MARCHF1: variants seen among roughly 807,000 people sequenced by gnomAD.
The protein encoded by MARCHF1 is E3 ubiquitin-protein ligase MARCHF1.
MARCHF1 carries 40 observed loss-of-function variants against 54.2 expected under a neutral mutation model. That is an observed-to-expected ratio of 0.74 (90% CI 0.57 to 0.96). The LOEUF is 0.96. Among genes scored for constraint, MARCHF1 ranks in the 40% least tolerant of loss-of-function variants. MARCHF1 has a pLI of 0.00. For synonymous variants in MARCHF1, 236 were observed against 236.3 expected (o/e 1.00, Z 0.01); for missense variants, 586 against 656.5 (o/e 0.89, Z 1.17).
intron 4 of MARCHF1, among the ~76,000 whole-genome samples, chr4:163,825,301 C>T (rs1455268286): frequency 2.0e-5 from 3 of 151,974 alleles, no homozygotes; most frequent in African/African-American, 7.2e-5. Flanking sequence ...GCATAGTATT[C>T]CATGGTGTAT....
At chr4:163,700,899 G>A (rs1744792595) in intron 4 of MARCHF1, 36 bp from the exon 5 acceptor site, 2 of 1,452,510 alleles carry the variant, frequency 1.4e-6, no homozygotes, top group African/African-American at 1.4e-5. Flanking sequence ...ATTAAAAGAA[G>A]GTATGGTACT....
In MARCHF1 at chr4:163,802,555, G is replaced by GT. The variant is rs752950347; in HGVS notation, c.111+51465dup. Reference sequence around the variant, plus strand: ...AAGCAGCTTTTGCTGTAACTGCAGTGTTTTTTACAGGAGGCTTTTTAAGAG... The same window carrying GT: ...AAGCAGCTTTTGCTGTAACTGCAGTGTTTTTTTACAGGAGGCTTTTTAAGAG... On this transcript the variant is annotated intron_variant, in intron 4 of 9. Coordinates refer to ENST00000514618, the MANE Select transcript of MARCHF1 (RefSeq NM_001394959.1). 6.7e-4 allele frequency among the ~76,000 whole-genome samples: 102 copies of GT among 152,144 alleles called. 1 individual carries two copies. The highest frequency in any genetic ancestry group is 1.1e-3 in the Admixed American group (17 of 15,262).
chr4:163,634,293 C>G (rs965076274), intron 5 of MARCHF1, among the ~76,000 whole-genome samples: 5 of 150,290 alleles, frequency 3.3e-5, no homozygotes, highest in African/African-American at 1.2e-4. Flanking sequence ...TTAAAACACA[C>G]AGACTGGCAA....
chr4:164,282,538 C>T (rs1236212586), intron 1 of MARCHF1, among the ~76,000 whole-genome samples: 1 of 150,942 alleles, frequency 6.6e-6, no homozygotes, highest in Non-Finnish European at 1.5e-5. Flanking sequence ...TCATCACCAC[C>T]GTCTTGCTTC....
chr4:163,704,815 A>T (rs2111240240), intron 4 of MARCHF1, among the ~76,000 whole-genome samples: 1 of 151,914 alleles, frequency 6.6e-6, no homozygotes, highest in East Asian at 1.9e-4. Context: ...AAAAGCTAAA[A>T]CTAATTAAAT....
intron 5 of MARCHF1, among the ~76,000 whole-genome samples, chr4:163,647,517 A>G (rs776866955): frequency 1.3e-5 from 2 of 152,074 alleles, no homozygotes; most frequent in Non-Finnish European, 2.9e-5. Context: ...AGCAGGCCAG[A>G]AAACAAGTCT....
chr4:164,374,498 C>T (rs1163595505), intron 1 of MARCHF1, among the ~76,000 whole-genome samples: 1 of 152,052 alleles, frequency 6.6e-6, no homozygotes. Context: ...AAGCCTTCTG[C>T]CTCATTTTTA....
rs779917586 is a variant in MARCHF1, at chr4:163,782,669, CAAAAAA to C, written c.111+71346_111+71351del. 2.7e-3 allele frequency among the ~76,000 whole-genome samples: 289 copies of C among 108,390 alleles called. 1 individual carries two copies. Among genetic ancestry groups the C allele is most frequent in the African/African-American group, 0.011 (277 of 26,158 alleles). The allele number at this position is 108,390 out of a possible 152,430, so 71.1% of individuals were successfully genotyped here. A position where few individuals can be genotyped will look rare whatever the true frequency, so the allele number is the denominator to read the frequency against. On this transcript the variant is annotated intron_variant, in intron 4 of 9. Transcript: ENST00000514618. ...CAGTGACAGAGTGAGACTCCATCTC[CAAAAAA>C]AAAAAAAAAAAAGAAAGAAAGAAAA... is the stretch of plus-strand genomic sequence containing the variant.
intron 5 of MARCHF1, among the ~76,000 whole-genome samples, chr4:163,692,601 G>T (rs903135432): frequency 7.0e-6 from 1 of 143,264 alleles, no homozygotes; most frequent in East Asian, 2.3e-4. Context: ...GCCCCTGAAA[G>T]AATTTATGTT....
intron 4 of MARCHF1, among the ~76,000 whole-genome samples, chr4:163,782,825 C>T (rs994711611): frequency 6.6e-6 from 1 of 151,988 alleles, no homozygotes; most frequent in African/African-American, 2.4e-5. Flanking sequence ...ATATGAAGTA[C>T]TAGAACTAGG....
At chr4:164,177,009 T>TCTATATATATAC (rs1730706745) in intron 1 of MARCHF1, among the ~76,000 whole-genome samples, 1 of 55,576 alleles carries the variant, frequency 1.8e-5, no homozygotes, top group Non-Finnish European at 3.6e-5. Flanking sequence ...TATATATATA[T>TCTATATATATAC]ACAAATGATA....
intron 7 of MARCHF1, among the ~76,000 whole-genome samples, chr4:163,593,833 C>G (rs1342821646): frequency 6.6e-6 from 1 of 152,186 alleles, no homozygotes; most frequent in African/African-American, 2.4e-5. Context: ...GCAGTTCCAA[C>G]CACATTGAGT....
At chr4:163,793,452 A>C (rs1747824298) in intron 4 of MARCHF1, among the ~76,000 whole-genome samples, 1 of 152,144 alleles carries the variant, frequency 6.6e-6, no homozygotes, top group Non-Finnish European at 1.5e-5. Flanking sequence ...CCTCCCTTGA[A>C]ACACTAATCA....
intron 1 of MARCHF1, among the ~76,000 whole-genome samples, chr4:164,209,094 A>G (rs964793754): frequency 6.6e-6 from 1 of 151,674 alleles, no homozygotes; most frequent in African/African-American, 2.4e-5. Context: ...CTAAACATTA[A>G]TTGAAAAAGT....
chr4:164,306,721 C>G (rs915068302), intron 1 of MARCHF1, among the ~76,000 whole-genome samples: 3 of 152,026 alleles, frequency 2.0e-5, no homozygotes, highest in African/African-American at 7.2e-5. Context: ...AGAAAGGTTG[C>G]AAATTTTTAA....
Position 163,527,042 on chromosome 4 carries a change from T to A in MARCHF1, c.*1706A>T, listed in dbSNP as rs1399582053. On this transcript the variant is annotated 3_prime_UTR_variant, in exon 10 of 10. Transcript: ENST00000514618. ...TGCATCCATGTGATACCCAGATTTGTGCAGTGTGATACTCATGCTTTGGTT... is the reference window on the plus strand; with the variant it reads ...TGCATCCATGTGATACCCAGATTTGAGCAGTGTGATACTCATGCTTTGGTT... 6.6e-6 allele frequency: 1 copy of A among 152,012 alleles called. No homozygotes were observed. Among genetic ancestry groups the A allele is most frequent in the Non-Finnish European group, 1.5e-5 (1 of 67,926 alleles). 9.4% of individuals were successfully genotyped at this position (152,012 alleles called of 1,614,324 possible). A position where few individuals can be genotyped will look rare whatever the true frequency, so the allele number is the denominator to read the frequency against.
At chr4:164,069,179 T>C (rs1048729672) in intron 2 of MARCHF1, among the ~76,000 whole-genome samples, 2 of 152,202 alleles carry the variant, frequency 1.3e-5, no homozygotes, top group African/African-American at 4.8e-5. Context: ...GTCTAGCTCA[T>C]GGATTGTAAA....
intron 5 of MARCHF1, among the ~76,000 whole-genome samples, chr4:163,636,777 T>C (rs954447526): frequency 1.9e-4 from 29 of 152,038 alleles, no homozygotes; most frequent in African/African-American, 3.4e-4. Flanking sequence ...AAAAAGAGCC[T>C]GCATTGCCAA....
chr4:163,898,266 G>A (rs370041949), intron 3 of MARCHF1, among the ~76,000 whole-genome samples: 1 of 151,880 alleles, frequency 6.6e-6, no homozygotes, highest in Non-Finnish European at 1.5e-5. Flanking sequence ...CTACAGAATG[G>A]GAGAAAATAT....
Sources: allele counts gnomAD v4.1 joint callset (sites outside exome capture counted in the v4.1 genomes callset), GRCh38; gene constraint gnomAD v4.1.1; transcripts MANE v1.5; gene names NCBI Gene and HGNC (gene_info 2026-07-23, HGNC 2026-07-21).